FARS2: variants seen among roughly 807,000 people sequenced by gnomAD.
FARS2 encodes the protein phenylalanine--tRNA ligase, mitochondrial.
FARS2 carries 40 observed loss-of-function variants against 46.4 expected under a neutral mutation model. The observed-to-expected ratio is 0.86, with a 90% CI of 0.67 to 1.12. FARS2 has a LOEUF of 1.12. Ranked by LOEUF, FARS2 falls within the 50% of genes most tolerant of loss-of-function variation. The pLI, the probability that FARS2 is intolerant of heterozygous loss-of-function variation, is 0.00. For missense variants in FARS2, 513 were observed against 567.9 expected (o/e 0.90, Z 0.98); for synonymous variants, 234 against 214.9 (o/e 1.09, Z -0.78).
chr6:5,318,745 GC>G (rs1330118579), intron 1 of FARS2, among the ~76,000 whole-genome samples: 3 of 152,116 alleles, frequency 2.0e-5, no homozygotes, highest in African/African-American at 7.2e-5. Context: ...ATGAAGTAGT[GC>G]CCCATGACCA....
chr6:5,659,580 T>C (rs1022694009), intron 6 of FARS2, among the ~76,000 whole-genome samples: 4 of 152,232 alleles, frequency 2.6e-5, no homozygotes, highest in African/African-American at 9.7e-5. Flanking sequence ...TTGTTTTTGA[T>C]GCCTGTCTCT....
rs182507861 is a variant in FARS2, at chr6:5,441,394, G to A, written c.904+10222G>A. On this transcript the variant is annotated intron_variant, in intron 4 of 6. Transcript: ENST00000274680. The stretch of plus-strand genomic sequence containing the variant: ...TTCCCTCTCTCCCTCCCTTCTATAA[G>A]CAATCACATTCTGAATTTTGTATTA... Among the ~76,000 whole-genome samples the A allele has an allele frequency of 9.9e-5, 15 of 152,060 alleles. No individual in the cohort carries two copies. In the East Asian group the frequency reaches 2.3e-3, roughly 23 times the overall value.
chr6:5,343,392 A>C lies in FARS2; in HGVS notation c.-21-25158A>C, dbSNP rs1427609741. 2.6e-5 allele frequency among the ~76,000 whole-genome samples: 4 copies of C among 151,930 alleles called. No homozygotes were observed. Among genetic ancestry groups the C allele is most frequent in the Non-Finnish European group, 1.5e-5 (1 of 68,002 alleles). On this transcript the variant is annotated intron_variant, in intron 1 of 6. Coordinates refer to ENST00000274680, the MANE Select transcript of FARS2 (RefSeq NM_006567.5). The surrounding 1 kb of genome is among the most constrained non-coding windows in gnomAD (Gnocchi z 4.5). ...ACGCCCAGCTAATTTTTGTATTTTT[A>C]GTAGAGATAGTGTTTCATCATATTG...
At chr6:5,382,062 G>A (rs1759831052) in intron 2 of FARS2, among the ~76,000 whole-genome samples, 1 of 152,208 alleles carries the variant, frequency 6.6e-6, no homozygotes, top group African/African-American at 2.4e-5. Flanking sequence ...CATCCATCTG[G>A]TAAACACTGG....
Position 5,613,188 on chromosome 6 carries a change from C to T in FARS2, c.1085C>T (p.Ala362Val), listed in dbSNP as rs1198684878. The T allele has an allele frequency of 6.2e-7, 1 of 1,612,684 alleles. No individual in the cohort carries two copies. The highest frequency in any genetic ancestry group is 1.7e-5 in the Admixed American group (1 of 59,774). The stretch of plus-strand genomic sequence containing the variant: ...TGTTAGCCTCTTAGCAAATATCCGG[C>T]TGTGATCAATGATATTTCATTCTGG... ...VKFQPLSKYP[A>V]VINDISFWLP... Residue 362 changes from alanine to valine, a missense_variant, in exon 6 of 7, where the codon GCT becomes GTT. Transcript: ENST00000274680.
At chr6:5,259,997 G>A (rs950427694), upstream of FARS2, among the ~76,000 whole-genome samples, 1 of 152,180 alleles carries the variant, frequency 6.6e-6, no homozygotes, top group Non-Finnish European at 1.5e-5. Context: ...TTATATTAAA[G>A]ATGTGAGTTT....
At chr6:5,509,047 AAT>A (rs1235169781) in intron 4 of FARS2, among the ~76,000 whole-genome samples, 1 of 152,242 alleles carries the variant, frequency 6.6e-6, no homozygotes, top group African/African-American at 2.4e-5. Context: ...CAACCAGAGA[AAT>A]ACATCCATGC....
Position 5,339,184 on chromosome 6 carries a change from C to T in FARS2, c.-21-29366C>T, listed in dbSNP as rs116190017. On this transcript the variant is annotated intron_variant, in intron 1 of 6. Coordinates refer to ENST00000274680, the MANE Select transcript of FARS2 (RefSeq NM_006567.5). ...ATACTACTCTGTCAGTATTTTATGT[C>T]CTCTAATGAAAAATATTGTACCCTA... 4.1e-3 allele frequency among the ~76,000 whole-genome samples: 631 copies of T among 152,178 alleles called. 3 individuals carry two copies. Among genetic ancestry groups the T allele is most frequent in the Middle Eastern group, 0.014 (4 of 294 alleles).
At chr6:5,330,505 G>A (rs1029614283) in intron 1 of FARS2, among the ~76,000 whole-genome samples, 9 of 152,046 alleles carry the variant, frequency 5.9e-5, no homozygotes, top group South Asian at 2.1e-4. Context: ...CCTCCTACAT[G>A]GTATGATATA....
chr6:5,719,180 C>T (rs145221563), intron 6 of FARS2, among the ~76,000 whole-genome samples: 1 of 151,922 alleles, frequency 6.6e-6, no homozygotes, highest in Non-Finnish European at 1.5e-5. Flanking sequence ...CCCAGGAGTT[C>T]AAGACCAGCC....
chr6:5,260,670 G>T, upstream of FARS2: 3 of 1,512,354 alleles, frequency 2.0e-6, no homozygotes, highest in Non-Finnish European at 1.8e-6. Context: ...GCGCTGAAAC[G>T]CTTGCTCTCT....
Position 5,491,099 on chromosome 6 carries a change from T to A in FARS2, c.905-54081T>A, listed in dbSNP as rs1258173555. Among the ~76,000 whole-genome samples the A allele has an allele frequency of 2.0e-5, 3 of 152,320 alleles. No individual in the cohort carries two copies. The East Asian group carries it at 5.8e-4, about 29-fold the overall frequency. On this transcript the variant is annotated intron_variant, in intron 4 of 6. Transcript: ENST00000274680. ...TCCATACCCTCAGCAACATTTTATA[T>A]TGTTGGTTCTCTTTAGCGATTCTAG...
At chr6:5,500,120 A>G (rs973518752) in intron 4 of FARS2, among the ~76,000 whole-genome samples, 4 of 152,174 alleles carry the variant, frequency 2.6e-5, no homozygotes, top group African/African-American at 9.7e-5. Flanking sequence ...GCCACTTGCC[A>G]TCGTTTAAGA....
At chr6:5,563,533 A>T (rs1772138009) in intron 5 of FARS2, among the ~76,000 whole-genome samples, 1 of 152,118 alleles carries the variant, frequency 6.6e-6, no homozygotes, top group African/African-American at 2.4e-5. Context: ...CCCTGTGGAG[A>T]TGCCACACTA....
At chr6:5,755,187 A>G (rs1282442525) in intron 6 of FARS2, among the ~76,000 whole-genome samples, 3 of 152,202 alleles carry the variant, frequency 2.0e-5, no homozygotes, top group South Asian at 2.1e-4. Flanking sequence ...TTTTATTTCC[A>G]TACATTTTTA....
At chr6:5,465,541 G>A (rs985307817) in intron 4 of FARS2, among the ~76,000 whole-genome samples, 21 of 152,084 alleles carry the variant, frequency 1.4e-4, no homozygotes, top group Non-Finnish European at 1.0e-4. Flanking sequence ...TTTCTGTTCT[G>A]ACTTTTTAAA....
intron 4 of FARS2, among the ~76,000 whole-genome samples, chr6:5,544,273 G>C (rs1229456030): frequency 6.6e-6 from 1 of 152,186 alleles, no homozygotes; most frequent in Non-Finnish European, 1.5e-5. Flanking sequence ...AGCAGTCACA[G>C]GCTTAAATTC....
intron 4 of FARS2, among the ~76,000 whole-genome samples, chr6:5,437,670 T>C (rs768910074): frequency 1.3e-5 from 2 of 152,184 alleles, no homozygotes; most frequent in Non-Finnish European, 2.9e-5. Context: ...CTGTCTTGTC[T>C]TCCTTCCTCC....
At chr6:5,647,896 A>G (rs528720223) in intron 6 of FARS2, among the ~76,000 whole-genome samples, 2 of 152,324 alleles carry the variant, frequency 1.3e-5, no homozygotes, top group South Asian at 2.1e-4. Flanking sequence ...CTGGAGCCAC[A>G]TCACCGTGGT....
Sources: allele counts gnomAD v4.1 joint callset (sites outside exome capture counted in the v4.1 genomes callset), GRCh38; gene constraint gnomAD v4.1.1; non-coding constraint Gnocchi (gnomAD v3.1); transcripts MANE v1.5; gene names NCBI Gene and HGNC (gene_info 2026-07-23, HGNC 2026-07-21).